Variants in EBF1 observed in about 807,000 individuals in gnomAD.
The protein encoded by EBF1 is EBF transcription factor 1.
A neutral mutation model predicts 68.4 loss-of-function variants in EBF1; 10 were observed. The ratio of observed to expected loss-of-function variants is 0.15; its 90% CI spans 0.09 to 0.25. EBF1 has a LOEUF of 0.25. EBF1 is among the 10% of genes least tolerant of loss of function. The probability of loss-of-function intolerance (pLI) is 1.00; values close to 1 mark genes in which losing one functional copy is unlikely to be tolerated. For missense variants in EBF1, 509 were observed against 794.4 expected (o/e 0.64, Z 4.32); for synonymous variants, 298 against 299.8 (o/e 0.99, Z 0.06).
intron 8 of EBF1, among the ~76,000 whole-genome samples, chr5:158,820,994 A>G (rs892857467): frequency 6.6e-6 from 1 of 152,162 alleles, no homozygotes; most frequent in African/African-American, 2.4e-5. Context: ...CACTGTTGCC[A>G]AACTGGAACA....
At chr5:158,791,840 TTG>T (rs1234948298) in intron 9 of EBF1, among the ~76,000 whole-genome samples, 1 of 152,126 alleles carries the variant, frequency 6.6e-6, no homozygotes, top group Non-Finnish European at 1.5e-5. Context: ...TGGAAGCAAG[TTG>T]TCTTTCCAAA....
chr5:158,698,567 G>A lies in EBF1; in HGVS notation c.*544C>T. 4.6e-6 allele frequency: 1 copy of A among 218,822 alleles called. No individual in the cohort carries two copies. 13.6% of individuals were successfully genotyped at this position (218,822 alleles called of 1,614,324 possible). The stretch of plus-strand genomic sequence containing the variant: ...GTCTGAGCTAACTACCATTTGATAT[G>A]CTTTAAGGCGCAAAAGCCGACCCTT... On this transcript the variant is annotated 3_prime_UTR_variant, in exon 16 of 16. Transcript: ENST00000313708.
intron 6 of EBF1, among the ~76,000 whole-genome samples, chr5:158,907,329 C>T (rs1189364850): frequency 6.6e-6 from 1 of 152,154 alleles, no homozygotes; most frequent in South Asian, 2.1e-4. Context: ...CAAATAAAAT[C>T]AGAAACAAAG....
intron 6 of EBF1, among the ~76,000 whole-genome samples, chr5:159,043,216 A>C (rs1183070076): frequency 1.3e-5 from 2 of 152,052 alleles, no homozygotes; most frequent in African/African-American, 4.8e-5. Context: ...GAGGCTTGGA[A>C]CCCTTGTCCA....
chr5:158,954,195 G>A (rs1163690131), intron 6 of EBF1, among the ~76,000 whole-genome samples: 2 of 151,542 alleles, frequency 1.3e-5, no homozygotes, highest in Admixed American at 6.5e-5. Context: ...ATGCCCGTGC[G>A]GCTGATGGGG....
intron 9 of EBF1, among the ~76,000 whole-genome samples, chr5:158,778,510 G>A (rs1344670469): frequency 6.6e-6 from 1 of 152,098 alleles, no homozygotes; most frequent in African/African-American, 2.4e-5. Flanking sequence ...GTATACATGA[G>A]TTTAAACTAA....
At chr5:158,969,373 T>C (rs1221778158) in intron 6 of EBF1, among the ~76,000 whole-genome samples, 1 of 152,110 alleles carries the variant, frequency 6.6e-6, no homozygotes, top group Non-Finnish European at 1.5e-5. Flanking sequence ...GAATCTTAAT[T>C]TCTGCAGCAA....
chr5:158,974,078 C>T (rs571369042), intron 6 of EBF1, among the ~76,000 whole-genome samples: 4 of 152,326 alleles, frequency 2.6e-5, no homozygotes, highest in African/African-American at 9.6e-5. Flanking sequence ...GCATGCTCCC[C>T]AAGGGCATAG....
chr5:159,088,176 T>C (rs957604704), intron 4 of EBF1, among the ~76,000 whole-genome samples: 1 of 152,100 alleles, frequency 6.6e-6, no homozygotes, highest in East Asian at 1.9e-4. Context: ...TAAACACACA[T>C]ACACACATGT....
At chr5:158,864,600 A>G (rs1230907397) in intron 6 of EBF1, among the ~76,000 whole-genome samples, 2 of 152,184 alleles carry the variant, frequency 1.3e-5, no homozygotes, top group African/African-American at 4.8e-5. Flanking sequence ...GAAAAAAGAC[A>G]AAAAACAAGT....
chr5:158,763,336 A>G (rs186620079), intron 10 of EBF1, among the ~76,000 whole-genome samples: 1 of 152,288 alleles, frequency 6.6e-6, no homozygotes, highest in East Asian at 1.9e-4. Flanking sequence ...AGTTCCAATG[A>G]GGTCTTCCAA....
In EBF1 at chr5:158,931,113, T is replaced by A. The variant is rs150673347; in HGVS notation, c.555-91003A>T. On this transcript the variant is annotated intron_variant, in intron 6 of 15. Coordinates refer to ENST00000313708, the MANE Select transcript of EBF1 (RefSeq NM_024007.5). Reference sequence around the variant, plus strand: ...TCAAAGCAGCAGGTCCAGTCCCATATCTCACCTGCTTTAGCCAACAGTAAT... The same window carrying A: ...TCAAAGCAGCAGGTCCAGTCCCATAACTCACCTGCTTTAGCCAACAGTAAT... Among the ~76,000 whole-genome samples, 325 of 152,344 alleles carry A rather than the reference T, an allele frequency of 2.1e-3. 1 individual carries two copies. The highest frequency in any genetic ancestry group is 3.7e-3 in the Admixed American group (56 of 15,302).
At chr5:158,771,690 T>G (rs1035801552) in intron 10 of EBF1, among the ~76,000 whole-genome samples, 4 of 152,100 alleles carry the variant, frequency 2.6e-5, no homozygotes, top group African/African-American at 9.7e-5. Context: ...GAATGATGAA[T>G]GGGATGGTTT....
At chr5:158,954,839 G>C (rs1369393579) in intron 6 of EBF1, among the ~76,000 whole-genome samples, 6 of 152,204 alleles carry the variant, frequency 3.9e-5, no homozygotes, top group Non-Finnish European at 8.8e-5. Flanking sequence ...AGGCACTAAT[G>C]CTTCATGTGA....
intron 6 of EBF1, among the ~76,000 whole-genome samples, chr5:158,845,084 C>T (rs1202324976): frequency 1.3e-5 from 2 of 152,184 alleles, no homozygotes; most frequent in East Asian, 1.9e-4. Context: ...ATCATCCCTG[C>T]ATGCATAGTG....
chr5:158,792,163 T>G (rs1165197417), intron 9 of EBF1, among the ~76,000 whole-genome samples: 1 of 152,188 alleles, frequency 6.6e-6, no homozygotes, highest in African/African-American at 2.4e-5. Context: ...TAAAACAATT[T>G]TTTAAAAGAC....
At chr5:159,004,635 A>G (rs1421537320) in intron 6 of EBF1, among the ~76,000 whole-genome samples, 1 of 152,140 alleles carries the variant, frequency 6.6e-6, no homozygotes, top group Non-Finnish European at 1.5e-5. Context: ...TCAATTTACA[A>G]CTGCTTAGCT....
chr5:158,759,846 A>T (rs1457092847), intron 10 of EBF1, among the ~76,000 whole-genome samples: 3 of 152,142 alleles, frequency 2.0e-5, no homozygotes, highest in Non-Finnish European at 4.4e-5. Flanking sequence ...GTTACAGAAC[A>T]TAGAAAATGC....
chr5:158,754,579 C>T (rs1480598537), intron 10 of EBF1, among the ~76,000 whole-genome samples: 1 of 152,156 alleles, frequency 6.6e-6, no homozygotes, highest in Non-Finnish European at 1.5e-5. Context: ...GAGTATTCTT[C>T]ATTCATTCAT....
Sources: gnomAD v4.1 joint callset for allele counts (sites outside exome capture counted in the v4.1 genomes callset) on GRCh38, gnomAD v4.1.1 for gene constraint, MANE v1.5 for transcripts, NCBI Gene and HGNC (gene_info 2026-07-23, HGNC 2026-07-21) for gene names.